Variants in BMPR1B observed in about 807,000 individuals in gnomAD.
BMPR1B encodes the protein bone morphogenetic protein receptor type-1B.
In BMPR1B, 12 loss-of-function variants were observed where a neutral mutation model predicts 59.1. The ratio of observed to expected loss-of-function variants is 0.20; its 90% CI spans 0.13 to 0.33. The LOEUF (loss-of-function observed/expected upper bound fraction) is 0.33. Ranked by LOEUF, BMPR1B falls within the 10% of genes least tolerant of loss-of-function variation. BMPR1B has a pLI of 1.00. For missense variants in BMPR1B, 550 were observed against 610.9 expected, an observed-to-expected ratio of 0.90 and a Z score of 1.05; for synonymous variants, 237 against 207.3, an observed-to-expected ratio of 1.14 and a Z score of -1.23.
At chr4:95,097,753 G>A (rs1730535276) in intron 3 of BMPR1B, among the ~76,000 whole-genome samples, 1 of 152,054 alleles carries the variant, frequency 6.6e-6, no homozygotes, top group Non-Finnish European at 1.5e-5. Flanking sequence ...GGCCAGGATG[G>A]TCTCCATCTC....
chr4:94,977,825 C>A (rs1214120113), intron 2 of BMPR1B, among the ~76,000 whole-genome samples: 1 of 152,202 alleles, frequency 6.6e-6, no homozygotes, highest in Non-Finnish European at 1.5e-5. Context: ...CCACTGCATT[C>A]CAGCCTGGGC....
At chr4:94,987,589 A>G in intron 2 of BMPR1B, among the ~76,000 whole-genome samples, 1 of 151,984 alleles carries the variant, frequency 6.6e-6, no homozygotes, top group Non-Finnish European at 1.5e-5. Context: ...ATTCTGATGT[A>G]TGACTTTAGC....
In BMPR1B at chr4:94,767,342, ATCT is replaced by A. The variant is rs1395041437; in HGVS notation, c.-183+9276_-183+9278del. Among the ~76,000 whole-genome samples the A allele has an allele frequency of 3.3e-5, 5 of 152,306 alleles. No individual in the cohort carries two copies. The East Asian group carries it at 9.6e-4, about 29-fold the overall frequency. ...AACAAACATTGTCTCTAAATATTTT[ATCT>A]TGTCTTATAATTTTGAGTAGGAATT... On this transcript the variant is annotated intron_variant, in intron 1 of 12. Coordinates refer to ENST00000515059, the MANE Select transcript of BMPR1B (RefSeq NM_001203.3).
At position 94,840,528 on chromosome 4, in the gene BMPR1B, G is replaced by A. The variant is rs1214925351; in HGVS notation, c.-182-35303G>A. ...TTCATTCATTTCACCTTCCATTGCT[G>A]ATACCCTTTCTTCCAGTTGATCGCA... is the stretch of plus-strand genomic sequence containing the variant. On this transcript the variant is annotated intron_variant, in intron 1 of 12. Coordinates refer to ENST00000515059, the MANE Select transcript of BMPR1B (RefSeq NM_001203.3). 1.0e-4 allele frequency among the ~76,000 whole-genome samples: 15 copies of A among 146,074 alleles called. 2 individuals are homozygous for A. In the South Asian group the frequency reaches 2.7e-3, roughly 26 times the overall value.
At chr4:95,137,325 C>T (rs1410274799) in intron 10 of BMPR1B, among the ~76,000 whole-genome samples, 1 of 152,176 alleles carries the variant, frequency 6.6e-6, no homozygotes, top group East Asian at 1.9e-4. Flanking sequence ...TGCTTTACTT[C>T]CAACTATGTG....
rs1731907543 is a variant in BMPR1B at position 95,114,938 on chromosome 4, G to A, written c.246+116G>A. 3.1e-6 allele frequency: 3 copies of A among 971,386 alleles called. No homozygotes were observed. The Admixed American group carries it at 5.2e-5, about 17-fold the overall frequency. 60.2% of individuals were successfully genotyped at this position (971,386 alleles called of 1,614,324 possible). ...CCCATTTTTAGTATAGTCATGAGCTGCACAAAAACATTTAGGTCAGCAACA... is the reference window on the plus strand; with the variant it reads ...CCCATTTTTAGTATAGTCATGAGCTACACAAAAACATTTAGGTCAGCAACA... On this transcript the variant is annotated intron_variant, in intron 5 of 12. Coordinates refer to ENST00000515059, the MANE Select transcript of BMPR1B (RefSeq NM_001203.3).
At chr4:94,930,924 C>T (rs1305443483) in intron 2 of BMPR1B, among the ~76,000 whole-genome samples, 1 of 151,722 alleles carries the variant, frequency 6.6e-6, no homozygotes, top group South Asian at 2.1e-4. Context: ...AAAACTTTAC[C>T]CCATCTTTTG....
intron 3 of BMPR1B, among the ~76,000 whole-genome samples, chr4:95,008,249 A>C (rs1438452251): frequency 6.6e-6 from 1 of 152,212 alleles, no homozygotes; most frequent in Non-Finnish European, 1.5e-5. Flanking sequence ...TATATAAACT[A>C]TGTAAAAAGT....
At chr4:94,794,627 G>A (rs1464162268) in intron 1 of BMPR1B, among the ~76,000 whole-genome samples, 9 of 148,946 alleles carry the variant, frequency 6.0e-5, no homozygotes, top group East Asian at 2.0e-4. Flanking sequence ...CCACTTTCAC[G>A]ATATTGATTC....
At chr4:94,859,919 T>C (rs1295407728) in intron 1 of BMPR1B, among the ~76,000 whole-genome samples, 3 of 152,196 alleles carry the variant, frequency 2.0e-5, no homozygotes, top group Non-Finnish European at 4.4e-5. Flanking sequence ...TTCCTTTTCC[T>C]GGGTCTCCAG....
chr4:95,048,553 T>C (rs921597503), intron 3 of BMPR1B, among the ~76,000 whole-genome samples: 1 of 152,198 alleles, frequency 6.6e-6, no homozygotes, highest in Non-Finnish European at 1.5e-5. Context: ...CTGATAGTGA[T>C]GTTGAACATT....
chr4:94,772,881 C>T (rs370964861), intron 1 of BMPR1B, among the ~76,000 whole-genome samples: 20 of 152,128 alleles, frequency 1.3e-4, no homozygotes, highest in Middle Eastern at 3.4e-3. Context: ...TTTTACCTGC[C>T]ATTTAAATCA....
At chr4:95,095,695 T>C (rs1730321511) in intron 3 of BMPR1B, among the ~76,000 whole-genome samples, 4 of 152,070 alleles carry the variant, frequency 2.6e-5, no homozygotes, top group Admixed American at 1.3e-4. Flanking sequence ...TATGTCACTT[T>C]TTAATGAATT....
intron 11 of BMPR1B, among the ~76,000 whole-genome samples, chr4:95,151,153 G>A (rs1332645461): frequency 6.6e-6 from 1 of 152,162 alleles, no homozygotes; most frequent in Non-Finnish European, 1.5e-5. Flanking sequence ...AAGGTTTGAG[G>A]TTTCAAACAG....
intron 3 of BMPR1B, among the ~76,000 whole-genome samples, chr4:95,077,849 A>G (rs1728827904): frequency 6.6e-6 from 1 of 152,234 alleles, no homozygotes; most frequent in Non-Finnish European, 1.5e-5. Context: ...TAATGCAAAT[A>G]TAGAATATTG....
rs551846142 is a variant in BMPR1B at position 94,836,940 on chromosome 4, G to A, written c.-182-38891G>A. On this transcript the variant is annotated intron_variant, in intron 1 of 12. Coordinates refer to ENST00000515059, the MANE Select transcript of BMPR1B (RefSeq NM_001203.3). Reference sequence around the variant, plus strand: ...CATCTTGAATTGATTTTTGTATAAGGTGTAAGGAAGGGATCCAGTTTCAGC... The same window carrying A: ...CATCTTGAATTGATTTTTGTATAAGATGTAAGGAAGGGATCCAGTTTCAGC... 1.4e-4 allele frequency among the ~76,000 whole-genome samples: 20 copies of A among 147,526 alleles called. No individual in the cohort carries two copies. In the East Asian group the frequency reaches 3.5e-3, roughly 26 times the overall value.
chr4:94,981,009 A>T lies in BMPR1B; in HGVS notation c.-112-15031A>T, dbSNP rs1366283172. 5.9e-4 allele frequency among the ~76,000 whole-genome samples: 5 copies of T among 8,510 alleles called. No individual in the cohort carries two copies. In the Admixed American group the frequency reaches 6.1e-3, roughly 10 times the overall value. 5.6% of individuals were successfully genotyped at this position (8,510 alleles called of 152,430 possible). A position where few individuals can be genotyped will look rare whatever the true frequency, so the allele number is the denominator to read the frequency against. Reference sequence around the variant, plus strand: ...GACTCCATCACACACACACACACACACACACACACACACAAAAAGTAGAAG... The same window carrying T: ...GACTCCATCACACACACACACACACTCACACACACACACAAAAAGTAGAAG... On this transcript the variant is annotated intron_variant, in intron 2 of 12. Coordinates refer to ENST00000515059, the MANE Select transcript of BMPR1B (RefSeq NM_001203.3).
chr4:94,771,572 G>A (rs950267471), intron 1 of BMPR1B, among the ~76,000 whole-genome samples: 2 of 152,052 alleles, frequency 1.3e-5, no homozygotes, highest in African/African-American at 4.8e-5. Flanking sequence ...GGAGAGAGGT[G>A]GATAAAGAGA....
intron 1 of BMPR1B, among the ~76,000 whole-genome samples, chr4:94,832,159 A>G (rs778157336): frequency 5.3e-5 from 8 of 152,146 alleles, no homozygotes; most frequent in Non-Finnish European, 1.2e-4. Context: ...ACTGTCTTCC[A>G]TGAAACTGGT....
Sources: allele counts gnomAD v4.1 joint callset (sites outside exome capture counted in the v4.1 genomes callset), GRCh38; gene constraint gnomAD v4.1.1; transcripts MANE v1.5; gene names NCBI Gene and HGNC (gene_info 2026-07-23, HGNC 2026-07-21).